SMC5: variants seen among roughly 807,000 people sequenced by gnomAD.
The protein encoded by SMC5 is structural maintenance of chromosomes protein 5.
A neutral mutation model predicts 148.3 loss-of-function variants in SMC5; 88 were observed. That is an observed-to-expected ratio of 0.59 (90% CI 0.50 to 0.71). The LOEUF is 0.71. Among genes scored for constraint, SMC5 ranks in the 30% least tolerant of loss-of-function variants. The pLI is 0.00. For synonymous variants in SMC5, 421 were observed against 432.8 expected, an observed-to-expected ratio of 0.97 and a Z score of 0.34; for missense variants, 1,142 against 1,298.9, an observed-to-expected ratio of 0.88 and a Z score of 1.86.
chr9:70,264,716 G>A lies in SMC5; in HGVS notation c.327+271G>A, dbSNP rs568545262. Among the ~76,000 whole-genome samples, 3 of 152,162 alleles carry A rather than the reference G, an allele frequency of 2.0e-5. No homozygotes were observed. The East Asian group carries it at 5.8e-4, about 29-fold the overall frequency. ...TTTTTAAATGCATCACTTGGCTTGT[G>A]GAACAGTGAAGTAAACTTACAAAGG... On this transcript the variant is annotated intron_variant, in intron 2 of 24. Transcript: ENST00000361138.
intron 15 of SMC5, among the ~76,000 whole-genome samples, chr9:70,321,901 TTTG>T (rs57491789): frequency 0.12 from 18,389 of 152,086 alleles, 1,272 homozygotes; most frequent in African/African-American, 0.2. Context: ...CCCACAGCTT[TTTG>T]TTGTTGTTGT....
chr9:70,304,173 CA>C (rs1352405437), intron 10 of SMC5, among the ~76,000 whole-genome samples: 4 of 152,156 alleles, frequency 2.6e-5, no homozygotes, highest in Admixed American at 6.5e-5. Flanking sequence ...ACTGTAACTT[CA>C]AACTCCTGGG....
At chr9:70,260,663 TA>T (rs926516573) in intron 1 of SMC5, among the ~76,000 whole-genome samples, 1 of 152,212 alleles carries the variant, frequency 6.6e-6, no homozygotes, top group Non-Finnish European at 1.5e-5. Flanking sequence ...TCAAATGAGT[TA>T]GATACCATAA....
Position 70,267,071 on chromosome 9 carries a change from C to T in SMC5, c.328-852C>T, listed in dbSNP as rs75223758. On this transcript the variant is annotated intron_variant, in intron 2 of 24. Coordinates refer to ENST00000361138, the MANE Select transcript of SMC5 (RefSeq NM_015110.4). ...TTTCTCCCATCTTTCTGGGACTCAG[C>T]TTTATTGTCTATAAAATGAATGTAT... is the stretch of plus-strand genomic sequence containing the variant. 3.3e-3 allele frequency among the ~76,000 whole-genome samples: 489 copies of T among 147,142 alleles called. 3 individuals are homozygous for T. Among genetic ancestry groups the T allele is most frequent in the Admixed American group, 4.7e-3 (69 of 14,686 alleles).
chr9:70,281,407 A>C (rs966527624), intron 6 of SMC5, among the ~76,000 whole-genome samples: 1 of 152,186 alleles, frequency 6.6e-6, no homozygotes, highest in African/African-American at 2.4e-5. Context: ...TAATTAACAC[A>C]GTGCTCTTAA....
At chr9:70,271,019 ATTTGT>A (rs1421133093) in intron 3 of SMC5, among the ~76,000 whole-genome samples, 2 of 152,008 alleles carry the variant, frequency 1.3e-5, no homozygotes, top group East Asian at 1.9e-4. Context: ...TGGATTTTGG[ATTTGT>A]TTTGAGTTTA....
At chr9:70,281,935 A>G (rs1014938630) in intron 6 of SMC5, among the ~76,000 whole-genome samples, 3 of 149,644 alleles carry the variant, frequency 2.0e-5, no homozygotes, top group African/African-American at 7.4e-5. Flanking sequence ...ATGTTGCCTT[A>G]GTGTGCCACT....
chr9:70,277,400 C>T lies in SMC5; in HGVS notation c.471C>T (p.Thr157=). The change falls in exon 4 of 25, where the codon ACC becomes ACT. Residue 157 remains threonine, a synonymous_variant. Coordinates refer to ENST00000361138, the MANE Select transcript of SMC5 (RefSeq NM_015110.4). The part of the protein sequence containing the change: ...SFWFINKKST[T]QKIVEEKVAA... ...GGTTCATCAACAAAAAATCTACAACCCAGAAAATAGTGGAAGAGAAAGTTG... is the reference window on the plus strand; with the variant it reads ...GGTTCATCAACAAAAAATCTACAACTCAGAAAATAGTGGAAGAGAAAGTTG... The T allele has an allele frequency of 6.2e-7, 1 of 1,604,732 alleles. No individual in the cohort carries two copies. The highest frequency in any genetic ancestry group is 8.5e-7 in the Non-Finnish European group (1 of 1,175,384).
intron 5 of SMC5, among the ~76,000 whole-genome samples, chr9:70,279,012 G>A (rs1477980151): frequency 3.3e-5 from 5 of 152,098 alleles, no homozygotes; most frequent in South Asian, 2.1e-4. Context: ...TAGCACTTCC[G>A]TTGAACCAAT....
chr9:70,265,628 A>G (rs2034269957), intron 2 of SMC5, among the ~76,000 whole-genome samples: 1 of 152,236 alleles, frequency 6.6e-6, no homozygotes, highest in Non-Finnish European at 1.5e-5. Context: ...TAATAAGCAT[A>G]TCTAAAATAA....
intron 3 of SMC5, among the ~76,000 whole-genome samples, chr9:70,271,733 G>A (rs546544766): frequency 2.6e-5 from 4 of 152,262 alleles, no homozygotes; most frequent in African/African-American, 9.6e-5. Flanking sequence ...TGAGAAGATA[G>A]GATTTAAGCA....
In SMC5 at chr9:70,272,712, G is replaced by A. The variant is rs117850429; in HGVS notation, c.381-4598G>A. 4.6e-5 allele frequency among the ~76,000 whole-genome samples: 7 copies of A among 152,304 alleles called. No homozygotes were observed. The East Asian group carries it at 1.3e-3, about 29-fold the overall frequency. On this transcript the variant is annotated intron_variant, in intron 3 of 24. Transcript: ENST00000361138. The stretch of plus-strand genomic sequence containing the variant: ...CACCAATGAAGCAGGGATAGATAAA[G>A]AAGAGTTCTAAGAACGTATCTGCTA...
chr9:70,347,014 T>A, intron 19 of SMC5, 52 bp from the exon 20 acceptor site: 2 of 1,337,336 alleles, frequency 1.5e-6, no homozygotes, highest in Admixed American at 1.8e-5. Flanking sequence ...TTTAACTATT[T>A]GAATGGAACT....
At chr9:70,342,361 C>T (rs1026670659) in intron 17 of SMC5, among the ~76,000 whole-genome samples, 16 of 151,678 alleles carry the variant, frequency 1.1e-4, no homozygotes, top group African/African-American at 3.9e-4. Flanking sequence ...GCACATTGTG[C>T]ACATGTACCC....
chr9:70,314,809 C>T lies in SMC5; in HGVS notation c.1646C>T (p.Ala549Val), dbSNP rs764882867. Reference sequence around the variant, plus strand: ...CCCAAGAGTTCATATGCAGACAAAGCACCTTCAAGATCTTTGAATGAACTT... The same window carrying T: ...CCCAAGAGTTCATATGCAGACAAAGTACCTTCAAGATCTTTGAATGAACTT... Reference protein sequence around the residue: ...IAPKSSYADKAPSRSLNELKQ... With the variant: ...IAPKSSYADKVPSRSLNELKQ... Residue 549 changes from alanine (A) to valine (V), a missense_variant, in exon 12 of 25, where the codon GCA becomes GTA. Coordinates refer to ENST00000361138, the MANE Select transcript of SMC5 (RefSeq NM_015110.4). 28 of 1,567,608 alleles carry T rather than the reference C, an allele frequency of 1.8e-5. No individual in the cohort carries two copies. Among genetic ancestry groups the T allele is most frequent in the Non-Finnish European group, 2.4e-5 (28 of 1,155,422 alleles).
intron 2 of SMC5, among the ~76,000 whole-genome samples, chr9:70,265,894 A>C (rs1480684426): frequency 6.6e-6 from 1 of 152,242 alleles, no homozygotes; most frequent in East Asian, 1.9e-4. Flanking sequence ...GCTAACAAGC[A>C]GTTAACATAT....
intron 3 of SMC5, among the ~76,000 whole-genome samples, chr9:70,272,451 C>A (rs2034476990): frequency 6.6e-6 from 1 of 152,110 alleles, no homozygotes; most frequent in East Asian, 1.9e-4. Flanking sequence ...CACGGTGGCT[C>A]ATACCTGTAA....
At position 70,335,696 on chromosome 9, in the gene SMC5, A is replaced by G. The variant is rs148833258; in HGVS notation, c.2398-8448A>G. On this transcript the variant is annotated intron_variant, in intron 17 of 24. Coordinates refer to ENST00000361138, the MANE Select transcript of SMC5 (RefSeq NM_015110.4). ...ATTTCAGAGCTTTTGAAGGTGATAGATATGTTTATTATCTTGATGGTAATA... is the reference window on the plus strand; with the variant it reads ...ATTTCAGAGCTTTTGAAGGTGATAGGTATGTTTATTATCTTGATGGTAATA... Among the ~76,000 whole-genome samples, 6 of 152,258 alleles carry G rather than the reference A, an allele frequency of 3.9e-5. No individual in the cohort carries two copies. In the East Asian group the frequency reaches 1.2e-3, roughly 29 times the overall value.
intron 15 of SMC5, among the ~76,000 whole-genome samples, chr9:70,322,887 T>G (rs2118641995): frequency 6.6e-6 from 1 of 152,224 alleles, no homozygotes; most frequent in East Asian, 1.9e-4. Context: ...TGAAATTTAA[T>G]TAAACACTAC....
Sources: gnomAD v4.1 joint callset for allele counts (sites outside exome capture counted in the v4.1 genomes callset) on GRCh38, gnomAD v4.1.1 for gene constraint, MANE v1.5 for transcripts, NCBI Gene and HGNC (gene_info 2026-07-23, HGNC 2026-07-21) for gene names.